The following PJA1 variants were observed in gnomAD, a reference collection of about 807,000 sequenced individuals.
PJA1 encodes the protein praja ring finger ubiquitin ligase 1, also known as E3 ubiquitin-protein ligase Praja-1.
PJA1 carries 5 observed loss-of-function variants against 14.1 expected under a neutral mutation model. The ratio of observed to expected loss-of-function variants is 0.35; its 90% CI spans 0.18 to 0.74. The LOEUF (loss-of-function observed/expected upper bound fraction) is 0.74, where lower values mean the gene tolerates loss of function less well. Among genes scored for constraint, PJA1 ranks in the 30% least tolerant of loss-of-function variants. The pLI is 0.56. For missense variants in PJA1, 394 were observed against 482.6 expected, an observed-to-expected ratio of 0.82 and a Z score of 1.72; for synonymous variants, 174 against 190.9, an observed-to-expected ratio of 0.91 and a Z score of 0.73.
chrX:69,162,559 T>G lies in PJA1; in HGVS notation c.515A>C (p.Gln172Pro). 1 of 1,211,491 alleles carries G rather than the reference T, an allele frequency of 8.3e-7. No homozygotes were observed. Among genetic ancestry groups the G allele is most frequent in the Non-Finnish European group, 1.1e-6 (1 of 895,518 alleles). Residue 172 changes from glutamine to proline, a missense_variant, in exon 2 of 2, where the codon CAA (glutamine) becomes CCA (proline). This residue lies in a region of PJA1 where 378 missense variants were observed against 439.3 expected (regional missense o/e 0.86). Coordinates refer to ENST00000374571, the MANE Select transcript of PJA1 (RefSeq NM_001032396.4). ...CCTGCTGGGACGTGCAGGTAAATTT[T>G]GCTCCCTTCTCTCCCTCTCCGAGCT... ...GDSSERERREQNLPARPSRAP... is the reference protein window; with the variant it reads ...GDSSERERREPNLPARPSRAP...
chrX:69,164,491 G>C (rs1925196151), intron 1 of PJA1, among the ~76,000 whole-genome samples: 1 of 108,970 alleles, frequency 9.2e-6, no homozygotes, highest in East Asian at 2.9e-4. Flanking sequence ...GTGTGAATAG[G>C]CATGTGTTCG....
Position 69,161,461 on chromosome X carries a change from A to G in PJA1, c.1613T>C (p.Met538Thr), listed in dbSNP as rs1475761462. 8.3e-7 allele frequency: 1 copy of G among 1,211,522 alleles called. No homozygotes were observed. Among genetic ancestry groups the G allele is most frequent in the East Asian group, 3.0e-5 (1 of 33,819 alleles). The change falls in exon 2 of 2, where the codon ATG becomes ACG. Residue 538 changes from methionine to threonine, a missense_variant. Coordinates refer to ENST00000374571, the MANE Select transcript of PJA1 (RefSeq NM_001032396.4). ...TEDHGAVGQE[M>T]CCPICCSEYV... ...TTCGCTACAGCAGATGGGGCAGCAC[A>G]TCTCCTGACCAACTGCGCCATGATC...
Position 69,161,297 on chromosome X carries a change from G to T in PJA1, c.*10C>A, listed in dbSNP as rs772324145. 1 of 1,155,359 alleles carries T rather than the reference G, an allele frequency of 8.7e-7. No individual in the cohort carries two copies. The highest frequency in any genetic ancestry group is 1.2e-6 in the Non-Finnish European group (1 of 865,519). On this transcript the variant is annotated 3_prime_UTR_variant, in exon 2 of 2. Transcript: ENST00000374571. ...AAAATAATCAGACCAGGAGTAAACG[G>T]CCTTGGTCTTTAGAGTGGGGGAGGG...
In PJA1 at chrX:69,161,790, C is replaced by T; in HGVS notation, c.1284G>A (p.Leu428=). The change falls in exon 2 of 2, where the codon TTG becomes TTA. Residue 428 remains leucine, a synonymous_variant. Coordinates refer to ENST00000374571, the MANE Select transcript of PJA1 (RefSeq NM_001032396.4). The part of the protein sequence containing the change: ...SEGDNDSGHE[L]MQPGVFMLDG... ...CCAGCATGAATACCCCAGGTTGCAT[C>T]AACTCGTGACCAGAATCATTATCCC... 8.3e-7 allele frequency: 1 copy of T among 1,211,619 alleles called. No homozygotes were observed. Among genetic ancestry groups the T allele is most frequent in the Non-Finnish European group, 1.1e-6 (1 of 895,498 alleles).
At position 69,162,499 on chromosome X, in the gene PJA1, G is replaced by A. The variant is rs201842484; in HGVS notation, c.575C>T (p.Thr192Ile). ...CACAGGTTCCTCTGCACTCTTTGAG[G>A]TGTTTTCCCCACCACCACAAATACT... ...PVSICGGGEN[T>I]SKSAEEPVVR... The change falls in exon 2 of 2, where the codon ACC (threonine) becomes ATC (isoleucine). Residue 192 changes from threonine (T) to isoleucine (I), a missense_variant. By Grantham distance (89) the Thr-to-Ile change is moderately conservative. Transcript: ENST00000374571. 1.7e-6 allele frequency: 2 copies of A among 1,209,736 alleles called. No homozygotes were observed. The highest frequency in any genetic ancestry group is 1.8e-5 in the African/African-American group (1 of 57,057).
chrX:69,163,386 G>A, intron 1 of PJA1: 1 of 593,084 alleles, frequency 1.7e-6, no homozygotes, highest in South Asian at 3.7e-5. Flanking sequence ...GCAGGTAACA[G>A]AAAGAATAAG....
chrX:69,162,584 T>G lies in PJA1; in HGVS notation c.490A>C (p.Ser164Arg). ...SEGKLATKGD[S>R]SERERREQNL... ...TGCTCCCTTCTCTCCCTCTCCGAGC[T>G]GTCACCTTTTGTAGCCAGCTTGCCT... Residue 164 changes from serine (S) to arginine (R), a missense_variant, in exon 2 of 2, where the codon AGC becomes CGC. This residue lies in a region of PJA1 where 378 missense variants were observed against 439.3 expected (regional missense o/e 0.86). Transcript: ENST00000374571. 1 of 1,211,263 alleles carries G rather than the reference T, an allele frequency of 8.3e-7. No homozygotes were observed. The highest frequency in any genetic ancestry group is 1.1e-6 in the Non-Finnish European group (1 of 895,459).
rs144546602 is a variant in PJA1 at position 69,161,989 on chromosome X, G to C, written c.1085C>G (p.Pro362Arg). Residue 362 changes from proline (P) to arginine (R), a missense_variant, in exon 2 of 2, where the codon CCT becomes CGT. Physicochemically the swap from Pro to Arg is moderately radical, Grantham distance 103. Coordinates refer to ENST00000374571, the MANE Select transcript of PJA1 (RefSeq NM_001032396.4). ...AKVSASTGTS[P>R]GPGASASAGA... The stretch of plus-strand genomic sequence containing the variant: ...GGCACTGGCACTAGCACCGGGGCCA[G>C]GGCTGGTGCCAGTGCTGGCACTCAC... 8.3e-7 allele frequency: 1 copy of C among 1,210,632 alleles called. No homozygotes were observed. Among genetic ancestry groups the C allele is most frequent in the Non-Finnish European group, 1.1e-6 (1 of 895,202 alleles).
At position 69,162,091 on chromosome X, in the gene PJA1, T is replaced by C; in HGVS notation, c.983A>G (p.Glu328Gly). 8.3e-7 allele frequency: 1 copy of C among 1,211,246 alleles called. No homozygotes were observed. Among genetic ancestry groups the C allele is most frequent in the Non-Finnish European group, 1.1e-6 (1 of 895,381 alleles). The stretch of plus-strand genomic sequence containing the variant: ...TTCGCCACTGGAGGACAGGGTTTGC[T>C]CTCGGCTTCGATATTTCCGACGCAG... ...AALRRKYRSR[E>G]QTLSSSGESW... Residue 328 changes from glutamate to glycine, a missense_variant, in exon 2 of 2, where the codon GAG (glutamate) becomes GGG (glycine). This residue lies in a region of PJA1 where 378 missense variants were observed against 439.3 expected (regional missense o/e 0.86). Coordinates refer to ENST00000374571, the MANE Select transcript of PJA1 (RefSeq NM_001032396.4).
chrX:69,162,046 C>A lies in PJA1; in HGVS notation c.1028G>T (p.Gly343Val). The A allele has an allele frequency of 8.3e-7, 1 of 1,211,073 alleles. No homozygotes were observed. Among genetic ancestry groups the A allele is most frequent in the Non-Finnish European group, 1.1e-6 (1 of 895,324 alleles). Residue 343 changes from glycine to valine, a missense_variant, in exon 2 of 2, where the codon GGG becomes GTG. Around this residue, in one of 2 missense-constraint regions of PJA1, gnomAD observed 378 missense variants for 439.3 expected, o/e 0.86. Transcript: ENST00000374571. ...CTGTGGAGGTTCCCGCTCTTCTTTC[C>A]CCGGCAGAGTCTCCCAGCTTTCGCC... Reference protein sequence around the residue: ...SSGESWETLPGKEEREPPQAK... With the variant: ...SSGESWETLPVKEEREPPQAK...
rs1178990843 is a variant in PJA1, at chrX:69,162,309, G to A, written c.765C>T (p.Gly255=). The change falls in exon 2 of 2, where the codon GGC becomes GGT. Residue 255 remains glycine, a synonymous_variant. Coordinates refer to ENST00000374571, the MANE Select transcript of PJA1 (RefSeq NM_001032396.4). ...HSDGLARRGR[G]ESSSGYPEPK... Reference sequence around the variant, plus strand: ...GCTCGGGATAGCCACTTGAACTCTCGCCTCTCCCTCTTCTTGCCAGGCCAT... The same window carrying A: ...GCTCGGGATAGCCACTTGAACTCTCACCTCTCCCTCTTCTTGCCAGGCCAT... 5 of 1,210,693 alleles carry A rather than the reference G, an allele frequency of 4.1e-6. No homozygotes were observed. The East Asian group carries it at 8.9e-5, about 22-fold the overall frequency.
In PJA1 at chrX:69,162,703, C is replaced by T. The variant is rs745599427; in HGVS notation, c.371G>A (p.Arg124Gln). ...TGCAGGGACTGGGTCTAACTTGTCTCGCTCCTCTCTCACATCACGGCTAAA... is the reference window on the plus strand; with the variant it reads ...TGCAGGGACTGGGTCTAACTTGTCTTGCTCCTCTCTCACATCACGGCTAAA... ...SSFSRDVREE[R>Q]DKLDPVPAAR... The change falls in exon 2 of 2, where the codon CGA becomes CAA. Residue 124 changes from arginine (R) to glutamine (Q), a missense_variant. This residue lies in a region of PJA1 where 378 missense variants were observed against 439.3 expected (regional missense o/e 0.86). Transcript: ENST00000374571. 7.5e-5 allele frequency: 91 copies of T among 1,206,440 alleles called. No individual in the cohort carries two copies. The highest frequency in any genetic ancestry group is 9.7e-5 in the Non-Finnish European group (87 of 893,441).
intron 1 of PJA1, among the ~76,000 whole-genome samples, chrX:69,164,915 TGGG>T (rs1925224393): frequency 8.9e-6 from 1 of 111,846 alleles, no homozygotes; most frequent in African/African-American, 3.3e-5. Flanking sequence ...ATTTTTTCCC[TGGG>T]AACAGTATTT....
At chrX:69,165,210 C>T (rs1333532584) in intron 1 of PJA1, among the ~76,000 whole-genome samples, 162 bp downstream of exon 1, 1 of 111,960 alleles carries the variant, frequency 8.9e-6, no homozygotes, top group African/African-American at 3.2e-5. Context: ...CAGTCAGGTC[C>T]CGCGTCCGCC....
rs866749775 is a variant in PJA1 at position 69,162,443 on chromosome X, G to T, written c.631C>A (p.Pro211Thr). Residue 211 changes from proline (P) to threonine (T), a missense_variant, in exon 2 of 2, where the codon CCA becomes ACA. Coordinates refer to ENST00000374571, the MANE Select transcript of PJA1 (RefSeq NM_001032396.4). ...AAAATTTTTGGTTTCACGCAGTTTG[G>T]ACTTGCCAGGTTTCTGATTTTGGGC... ...VRPKIRNLAS[P>T]NCVKPKIFFD... 8.3e-7 allele frequency: 1 copy of T among 1,209,361 alleles called. No homozygotes were observed. Among genetic ancestry groups the T allele is most frequent in the African/African-American group, 1.8e-5 (1 of 56,849 alleles).
chrX:69,161,193 T>C lies in PJA1; in HGVS notation c.*114A>G. On this transcript the variant is annotated 3_prime_UTR_variant, in exon 2 of 2. Transcript: ENST00000374571. ...AATAATCACGAGGAATCAATAGGTT[T>C]AGGCTAACTGACTGATTGGTTTTAT... is the stretch of plus-strand genomic sequence containing the variant. 9.8e-7 allele frequency: 1 copy of C among 1,016,108 alleles called. No homozygotes were observed. The highest frequency in any genetic ancestry group is 1.3e-6 in the Non-Finnish European group (1 of 772,555). The allele number at this position is 1,016,108 out of a possible 1,213,427, so 83.7% of individuals were successfully genotyped here.
At position 69,161,803 on chromosome X, in the gene PJA1, G is replaced by T. The variant is rs148147023; in HGVS notation, c.1271C>A (p.Ser424Tyr). ...CCCAGGTTGCATCAACTCGTGACCA[G>T]AATCATTATCCCCCTCACTGCTACT... ...NDSSSEGDND[S>Y]GHELMQPGVF... is the part of the protein sequence containing the mutation. Residue 424 changes from serine to tyrosine, a missense_variant, in exon 2 of 2, where the codon TCT (serine) becomes TAT (tyrosine). This residue lies in a region of PJA1 where 378 missense variants were observed against 439.3 expected (regional missense o/e 0.86). Transcript: ENST00000374571. The T allele has an allele frequency of 8.3e-7, 1 of 1,211,679 alleles. No individual in the cohort carries two copies. The highest frequency in any genetic ancestry group is 1.1e-6 in the Non-Finnish European group (1 of 895,480).
At position 69,161,551 on chromosome X, in the gene PJA1, T is replaced by C. The variant is rs772939881; in HGVS notation, c.1523A>G (p.Glu508Gly). 4 of 1,211,759 alleles carry C rather than the reference T, an allele frequency of 3.3e-6. No homozygotes were observed. Among genetic ancestry groups the C allele is most frequent in the Non-Finnish European group, 3.3e-6 (3 of 895,534 alleles). Residue 508 changes from glutamate (E) to glycine (G), a missense_variant, in exon 2 of 2, where the codon GAG becomes GGG. Coordinates refer to ENST00000374571, the MANE Select transcript of PJA1 (RefSeq NM_001032396.4). Reference sequence around the variant, plus strand: ...CTTGCTTGCTGGTGGATTGGCCACCTCTACATCCACTGCGAGAGACTCCAA... The same window carrying C: ...CTTGCTTGCTGGTGGATTGGCCACCCCTACATCCACTGCGAGAGACTCCAA... Reference protein sequence around the residue: ...AHLESLAVDVEVANPPASKES... With the variant: ...AHLESLAVDVGVANPPASKES...
At position 69,162,208 on chromosome X, in the gene PJA1, G is replaced by A; in HGVS notation, c.866C>T (p.Thr289Ile). 1 of 1,210,892 alleles carries A rather than the reference G, an allele frequency of 8.3e-7. No homozygotes were observed. The highest frequency in any genetic ancestry group is 1.1e-6 in the Non-Finnish European group (1 of 895,340). ...KPEKVPRRRR[T>I]MADPDFWTHS... Reference sequence around the variant, plus strand: ...CGTCCAGAAGTCAGGGTCGGCCATGGTGCGTCGTCGTCTCGGCACCTTTTC... The same window carrying A: ...CGTCCAGAAGTCAGGGTCGGCCATGATGCGTCGTCGTCTCGGCACCTTTTC... Residue 289 changes from threonine to isoleucine, a missense_variant, in exon 2 of 2, where the codon ACC becomes ATC. Thr to Ile is a moderately conservative substitution (Grantham distance 89). Around this residue, in one of 2 missense-constraint regions of PJA1, gnomAD observed 378 missense variants for 439.3 expected, o/e 0.86. Coordinates refer to ENST00000374571, the MANE Select transcript of PJA1 (RefSeq NM_001032396.4).
Sources: allele counts gnomAD v4.1 joint callset (sites outside exome capture counted in the v4.1 genomes callset), GRCh38; gene constraint gnomAD v4.1.1; regional missense constraint gnomAD v4.1.1; transcripts MANE v1.5; gene names NCBI Gene and HGNC (gene_info 2026-07-23, HGNC 2026-07-21).